The following ZRANB2 variants were observed in gnomAD, a reference collection of about 807,000 sequenced individuals.
The protein encoded by ZRANB2 is zinc finger RANBP2-type containing 2.
In ZRANB2, 19 loss-of-function variants were observed where a neutral mutation model predicts 53.4. That is an observed-to-expected ratio of 0.36 (90% CI 0.25 to 0.52). The LOEUF (loss-of-function observed/expected upper bound fraction) is 0.52, where lower values mean the gene tolerates loss of function less well. Ranked by LOEUF, ZRANB2 falls within the 20% of genes least tolerant of loss-of-function variation. The pLI, the probability that ZRANB2 is intolerant of heterozygous loss-of-function variation, is 0.93. For missense variants in ZRANB2, 309 were observed against 401.1 expected (o/e 0.77, Z 1.96); for synonymous variants, 145 against 134.8 (o/e 1.08, Z -0.52).
intron 9 of ZRANB2, chr1:71,065,953 TGAA>T: frequency 1.5e-6 from 1 of 648,008 alleles, no homozygotes. Flanking sequence ...CTCCAAAATG[TGAA>T]GAAGCAAAAC....
intron 8 of ZRANB2, chr1:71,067,673 A>G (rs1277325644): frequency 4.5e-6 from 2 of 440,124 alleles, no homozygotes; most frequent in South Asian, 3.4e-5. Context: ...CTTAAAATAA[A>G]ACCAGAAAGC....
At chr1:71,077,606 C>A (rs1216479671) in intron 3 of ZRANB2, among the ~76,000 whole-genome samples, 1 of 152,148 alleles carries the variant, frequency 6.6e-6, no homozygotes, top group Non-Finnish European at 1.5e-5. Flanking sequence ...GTAATCCCAG[C>A]ACTTTGGGAG....
Position 71,072,196 on chromosome 1 carries a change from C to T in ZRANB2, c.438G>A (p.Lys146=), listed in dbSNP as rs777409783. 6 of 1,612,324 alleles carry T rather than the reference C, an allele frequency of 3.7e-6. No homozygotes were observed. Among genetic ancestry groups the T allele is most frequent in the Non-Finnish European group, 5.1e-6 (6 of 1,179,264 alleles). Residue 146 remains lysine (K), a synonymous_variant, in exon 6 of 10, where the codon AAG becomes AAA. Transcript: ENST00000370920. ...GKAVGPASIL[K]EVEDKESEGE... is the part of the protein sequence containing the mutation. ...CCTCTGATTCTTTATCTTCAACTTC[C>T]TTTAATATAGATGCAGGACCAACTG... is the stretch of plus-strand genomic sequence containing the variant.
Position 71,080,531 on chromosome 1 carries a change from G to A in ZRANB2, c.56+409C>T, listed in dbSNP as rs116827845. ...ATAAGAGGCAAAAGGACGAGTGCGA[G>A]AAAGCAATATTTTCCGTGAACAAGA... On this transcript the variant is annotated intron_variant, in intron 1 of 9. Transcript: ENST00000370920. Among the ~76,000 whole-genome samples, 641 of 151,830 alleles carry A rather than the reference G, an allele frequency of 4.2e-3. 5 individuals carry two copies. The highest frequency in any genetic ancestry group is 0.015 in the African/African-American group (617 of 41,386).
chr1:71,069,148 A>G (rs1661538028), intron 8 of ZRANB2, 128 bp downstream of exon 8: 2 of 664,206 alleles, frequency 3.0e-6, no homozygotes, highest in Middle Eastern at 2.6e-4. Context: ...AGGCAAGTGC[A>G]TTAGTTTTCT....
At position 71,064,507 on chromosome 1, in the gene ZRANB2, A is replaced by T. The variant is rs1239261361; in HGVS notation, c.*567T>A. 6.6e-6 allele frequency: 1 copy of T among 152,490 alleles called. No homozygotes were observed. The highest frequency in any genetic ancestry group is 1.5e-5 in the Non-Finnish European group (1 of 67,926). The allele number at this position is 152,490 out of a possible 1,614,324, so 9.4% of individuals were successfully genotyped here. A position where few individuals can be genotyped will look rare whatever the true frequency, so the allele number is the denominator to read the frequency against. ...CTTTTGCATTAAATGTGGAGCAAAA[A>T]AGTAAAGCTGGATAAAAGAGACACA... On this transcript the variant is annotated 3_prime_UTR_variant, in exon 10 of 10. Transcript: ENST00000370920.
intron 4 of ZRANB2, among the ~76,000 whole-genome samples, chr1:71,072,976 G>T (rs1274865093): frequency 6.6e-6 from 1 of 152,036 alleles, no homozygotes; most frequent in Admixed American, 6.6e-5. Context: ...CTGAAATTTT[G>T]CTACTTTAAA....
rs545223164 is a variant in ZRANB2, at chr1:71,075,269, T to C, written c.301+1526A>G. Among the ~76,000 whole-genome samples, 5 of 152,190 alleles carry C rather than the reference T, an allele frequency of 3.3e-5. No individual in the cohort carries two copies. In the South Asian group the frequency reaches 1.0e-3, roughly 32 times the overall value. On this transcript the variant is annotated intron_variant, in intron 4 of 9. Coordinates refer to ENST00000370920, the MANE Select transcript of ZRANB2 (RefSeq NM_203350.3). The stretch of plus-strand genomic sequence containing the variant: ...CTAGGGTGGTAATGGAAAAGAATTT[T>C]TGGGGTATGGGAGATATCAAGAAAG...
chr1:71,077,636 T>C (rs910888839), intron 3 of ZRANB2, among the ~76,000 whole-genome samples: 1 of 152,124 alleles, frequency 6.6e-6, no homozygotes, highest in African/African-American at 2.4e-5. Flanking sequence ...GGCAGAATGC[T>C]TGAGCTCAGG....
chr1:71,079,252 C>T (rs1384207002), intron 1 of ZRANB2, among the ~76,000 whole-genome samples: 4 of 152,086 alleles, frequency 2.6e-5, no homozygotes, highest in Admixed American at 1.3e-4. Context: ...TTTTACAGGG[C>T]ATTTCTCAAA....
chr1:71,070,316 C>T (rs143142262), intron 7 of ZRANB2, among the ~76,000 whole-genome samples: 11 of 152,120 alleles, frequency 7.2e-5, no homozygotes, highest in Non-Finnish European at 1.5e-4. Context: ...TTAGTTTACG[C>T]CTGGACTTCT....
Position 71,072,224 on chromosome 1 carries a change from T to C in ZRANB2, c.410A>G (p.Lys137Arg). ...TAATATAGATGCAGGACCAACTGCT[T>C]TCCCTCTGTATTTTTTCTTTTTACG... Reference protein sequence around the residue: ...FGRKKKKYRGKAVGPASILKE... With the variant: ...FGRKKKKYRGRAVGPASILKE... The change falls in exon 6 of 10, where the codon AAA becomes AGA. Residue 137 changes from lysine (K) to arginine (R), a missense_variant. Transcript: ENST00000370920. The C allele has an allele frequency of 6.2e-7, 1 of 1,611,066 alleles. No homozygotes were observed. Among genetic ancestry groups the C allele is most frequent in the African/African-American group, 1.3e-5 (1 of 74,898 alleles).
Position 71,065,157 on chromosome 1 carries a change from G to C in ZRANB2, c.930-20C>G, listed in dbSNP as rs1337728908. On this transcript the variant is annotated intron_variant, in intron 9 of 9. Coordinates refer to ENST00000370920, the MANE Select transcript of ZRANB2 (RefSeq NM_203350.3). ...TGGCGTCTGTAAGACATAATGGAGA[G>C]AGTAGGCATTCTAGTAAGCTAGAGC... The C allele has an allele frequency of 1.9e-6, 3 of 1,590,038 alleles. No homozygotes were observed. Among genetic ancestry groups the C allele is most frequent in the Admixed American group, 1.7e-5 (1 of 59,438 alleles).
chr1:71,073,624 A>G (rs1049113787), intron 4 of ZRANB2, among the ~76,000 whole-genome samples: 4 of 152,198 alleles, frequency 2.6e-5, no homozygotes, highest in African/African-American at 9.6e-5. Flanking sequence ...TTGGAAGTTA[A>G]TAAAAATATT....
chr1:71,078,771 G>C (rs1404080006), intron 1 of ZRANB2, 63 bp from the exon 2 acceptor site: 2 of 1,349,308 alleles, frequency 1.5e-6, no homozygotes, highest in Non-Finnish European at 1.0e-6. Context: ...ATTTTAACTT[G>C]TCCTCACTAC....
intron 9 of ZRANB2, among the ~76,000 whole-genome samples, chr1:71,065,349 C>A (rs557741441): frequency 9.2e-5 from 14 of 152,140 alleles, no homozygotes; most frequent in African/African-American, 2.9e-4. Context: ...AAAAAATTCT[C>A]TACAATTTCA....
chr1:71,077,394 T>C (rs1357436919), intron 3 of ZRANB2, among the ~76,000 whole-genome samples: 1 of 152,202 alleles, frequency 6.6e-6, no homozygotes, highest in Non-Finnish European at 1.5e-5. Flanking sequence ...TCTCTGAATA[T>C]ACCTTAAAGA....
At chr1:71,076,915 T>C (rs750063003) in intron 3 of ZRANB2, 38 bp from the exon 4 acceptor site, 3 of 1,369,176 alleles carry the variant, frequency 2.2e-6, no homozygotes, top group Non-Finnish European at 3.1e-6. Flanking sequence ...TAGGCTATAA[T>C]ATAGATGAAT....
intron 3 of ZRANB2, among the ~76,000 whole-genome samples, 184 bp from the exon 4 acceptor site, chr1:71,077,061 G>A (rs1661725352): frequency 6.6e-6 from 1 of 152,100 alleles, no homozygotes; most frequent in Non-Finnish European, 1.5e-5. Flanking sequence ...TTCCAACAAC[G>A]GACTGAACCA....
Sources: gnomAD v4.1 joint callset for allele counts (sites outside exome capture counted in the v4.1 genomes callset) on GRCh38, gnomAD v4.1.1 for gene constraint, MANE v1.5 for transcripts, NCBI Gene and HGNC (gene_info 2026-07-23, HGNC 2026-07-21) for gene names.